The following TMEM242 variants were observed in gnomAD, a reference collection of about 807,000 sequenced individuals.
TMEM242 encodes transmembrane protein 242.
TMEM242 carries 10 observed loss-of-function variants against 18.2 expected under a neutral mutation model. The ratio of observed to expected loss-of-function variants is 0.55; its 90% CI spans 0.34 to 0.93. The LOEUF is 0.93. Ranked by LOEUF, TMEM242 falls within the 40% of genes least tolerant of loss-of-function variation. The pLI is 0.02. For missense variants in TMEM242, 186 were observed against 175.5 expected, an observed-to-expected ratio of 1.06 and a Z score of -0.34; for synonymous variants, 57 against 69.9, an observed-to-expected ratio of 0.81 and a Z score of 0.92.
chr6:157,298,687 A>C (rs1777783832), intron 3 of TMEM242, among the ~76,000 whole-genome samples: 1 of 152,250 alleles, frequency 6.6e-6, no homozygotes, highest in South Asian at 2.1e-4. Flanking sequence ...CATATAAATG[A>C]ACATAGGTAT....
rs781864353 is a variant in TMEM242, at chr6:157,323,505, G to T, written c.-6C>A. The stretch of plus-strand genomic sequence containing the variant: ...GCAGCGCCCGCTGTCTCCATGTTTA[G>T]GTCGCCTCTAGTGCGTCCGTCCCCA... On this transcript the variant is annotated 5_prime_UTR_variant, in exon 1 of 4. Transcript: ENST00000400788. 5.9e-5 allele frequency: 95 copies of T among 1,613,300 alleles called. 1 individual carries two copies. Among genetic ancestry groups the T allele is most frequent in the Admixed American group, 1.0e-4 (6 of 59,982 alleles).
chr6:157,289,326 T>C lies in TMEM242; in HGVS notation c.*3575A>G, dbSNP rs1200962999. 6.6e-6 allele frequency: 1 copy of C among 152,234 alleles called. No homozygotes were observed. Among genetic ancestry groups the C allele is most frequent in the Non-Finnish European group, 1.5e-5 (1 of 68,048 alleles). The allele number at this position is 152,234 out of a possible 1,614,324, so 9.4% of individuals were successfully genotyped here. A position where few individuals can be genotyped will look rare whatever the true frequency, so the allele number is the denominator to read the frequency against. ...GTGAGAGATGCTTGCTTTCCTCTTC[T>C]ATGCTCACAAAATCGCAGCCTTGGG... is the stretch of plus-strand genomic sequence containing the variant. On this transcript the variant is annotated 3_prime_UTR_variant, in exon 4 of 4. Coordinates refer to ENST00000400788, the MANE Select transcript of TMEM242 (RefSeq NM_018452.6).
At chr6:157,312,156 GT>G (rs1583568227) in intron 3 of TMEM242, among the ~76,000 whole-genome samples, 1 of 135,626 alleles carries the variant, frequency 7.4e-6, no homozygotes. Context: ...TCATCATAGT[GT>G]CCCAGTGTGC....
At chr6:157,321,012 C>CTT (rs1181386580) in intron 2 of TMEM242, among the ~76,000 whole-genome samples, 36 of 102,072 alleles carry the variant, frequency 3.5e-4, no homozygotes, top group African/African-American at 8.6e-4. Context: ...TTTTTTTTTT[C>CTT]TTTTTTTTTT....
chr6:157,318,536 T>C lies in TMEM242; in HGVS notation c.327+246A>G, dbSNP rs1241832391. ...CTGCACTCGCCCTAATGTCAATTTA[T>C]ATAGAACATTAGCTATAAATTAGTC... is the stretch of plus-strand genomic sequence containing the variant. On this transcript the variant is annotated intron_variant, in intron 3 of 3. Transcript: ENST00000400788. 7 of 504,624 alleles carry C rather than the reference T, an allele frequency of 1.4e-5. No individual in the cohort carries two copies. In the Admixed American group the frequency reaches 1.9e-4, roughly 14 times the overall value. 31.3% of individuals were successfully genotyped at this position (504,624 alleles called of 1,614,324 possible). A position where few individuals can be genotyped will look rare whatever the true frequency, so the allele number is the denominator to read the frequency against.
intron 3 of TMEM242, 137 bp from the exon 4 acceptor site, chr6:157,293,136 G>T: frequency 1.7e-6 from 1 of 601,650 alleles, no homozygotes. Context: ...AAAAGATAGG[G>T]ACTATATATA....
In TMEM242 at chr6:157,299,468, T is replaced by C. The variant is rs782804907; in HGVS notation, c.328-6469A>G. On this transcript the variant is annotated intron_variant, in intron 3 of 3. Coordinates refer to ENST00000400788, the MANE Select transcript of TMEM242 (RefSeq NM_018452.6). ...GATCCATCCGTGGCAGTTTTCAGAG[T>C]GGATACCAAGCTTTTGTCCAAACAA... The C allele has an allele frequency of 1.4e-4, 196 of 1,395,022 alleles. 1 individual carries two copies. Among genetic ancestry groups the C allele is most frequent in the Non-Finnish European group, 1.9e-4 (187 of 982,430 alleles). 86.4% of individuals were successfully genotyped at this position (1,395,022 alleles called of 1,614,324 possible).
intron 3 of TMEM242, among the ~76,000 whole-genome samples, chr6:157,315,196 G>T (rs587723602): frequency 2.6e-5 from 4 of 152,146 alleles, no homozygotes; most frequent in Non-Finnish European, 5.9e-5. Context: ...CTCTCTAAAC[G>T]TTGAGCTGAA....
chr6:157,296,542 G>T, intron 3 of TMEM242, among the ~76,000 whole-genome samples: 1 of 152,210 alleles, frequency 6.6e-6, no homozygotes, highest in East Asian at 1.9e-4. Flanking sequence ...AATTAGCCAG[G>T]CATGGTGGCG....
At chr6:157,306,460 C>T (rs1554247926) in intron 3 of TMEM242, among the ~76,000 whole-genome samples, 2 of 152,152 alleles carry the variant, frequency 1.3e-5, no homozygotes, top group Admixed American at 1.3e-4. Context: ...GTCTGGGCAG[C>T]TTTGTGGGTG....
chr6:157,297,437 T>C (rs954329952), intron 3 of TMEM242, among the ~76,000 whole-genome samples: 1 of 152,194 alleles, frequency 6.6e-6, no homozygotes, highest in Admixed American at 6.5e-5. Context: ...TCAATTCCAA[T>C]AAATAGGCAG....
intron 3 of TMEM242, among the ~76,000 whole-genome samples, chr6:157,313,340 G>GT (rs2128416637): frequency 5.9e-5 from 9 of 151,900 alleles, no homozygotes; most frequent in South Asian, 2.1e-4. Context: ...TCATCATAGT[G>GT]CCCCAGTGTG....
chr6:157,311,032 G>C (rs587662075), intron 3 of TMEM242, among the ~76,000 whole-genome samples: 1 of 51,650 alleles, frequency 1.9e-5, no homozygotes, highest in Non-Finnish European at 3.7e-5. Context: ...CCTCATCATA[G>C]TGTCCCAGTG....
Position 157,290,131 on chromosome 6 carries a change from A to G in TMEM242, c.*2770T>C, listed in dbSNP as rs891978177. 1 of 152,182 alleles carries G rather than the reference A, an allele frequency of 6.6e-6. No individual in the cohort carries two copies. The highest frequency in any genetic ancestry group is 1.5e-5 in the Non-Finnish European group (1 of 68,064). 9.4% of individuals were successfully genotyped at this position (152,182 alleles called of 1,614,324 possible). A position where few individuals can be genotyped will look rare whatever the true frequency, so the allele number is the denominator to read the frequency against. On this transcript the variant is annotated 3_prime_UTR_variant, in exon 4 of 4. Coordinates refer to ENST00000400788, the MANE Select transcript of TMEM242 (RefSeq NM_018452.6). ...CCTTGAATGAATCCTGGGGTCTCGG[A>G]AGCCACTCCTCCCTGCCCGTGCTTT...
At chr6:157,322,019 T>G (rs187352161) in intron 2 of TMEM242, among the ~76,000 whole-genome samples, 78 of 152,366 alleles carry the variant, frequency 5.1e-4, no homozygotes, top group Middle Eastern at 3.4e-3. Context: ...TAAGTATGAT[T>G]ATTAAAGATA....
At chr6:157,294,500 G>A (rs1159117395) in intron 3 of TMEM242, among the ~76,000 whole-genome samples, 1 of 151,172 alleles carries the variant, frequency 6.6e-6, no homozygotes, top group Non-Finnish European at 1.5e-5. Flanking sequence ...ACAGGCGCCC[G>A]CCACTACGCC....
rs1777658412 is a variant in TMEM242 at position 157,289,694 on chromosome 6, C to A, written c.*3207G>T. On this transcript the variant is annotated 3_prime_UTR_variant, in exon 4 of 4. Transcript: ENST00000400788. Reference sequence around the variant, plus strand: ...TTTTATCCCCATGGGCTCCCCGTCCCCCCACCCCCACCTTAATTTCTTCTA... The same window carrying A: ...TTTTATCCCCATGGGCTCCCCGTCCACCCACCCCCACCTTAATTTCTTCTA... The A allele has an allele frequency of 1.3e-5, 2 of 151,972 alleles. No individual in the cohort carries two copies. Among genetic ancestry groups the A allele is most frequent in the African/African-American group, 4.8e-5 (2 of 41,360 alleles). The allele number at this position is 151,972 out of a possible 1,614,324, so 9.4% of individuals were successfully genotyped here. A position where few individuals can be genotyped will look rare whatever the true frequency, so the allele number is the denominator to read the frequency against.
intron 3 of TMEM242, among the ~76,000 whole-genome samples, chr6:157,312,578 G>GCTCACCTA (rs1778200486): frequency 3.4e-5 from 1 of 29,144 alleles, no homozygotes; most frequent in African/African-American, 1.3e-4. Context: ...ACGCTCACCC[G>GCTCACCTA]GCCTCATCAT....
chr6:157,300,957 C>T (rs1279909518), intron 3 of TMEM242, among the ~76,000 whole-genome samples: 2 of 152,162 alleles, frequency 1.3e-5, no homozygotes, highest in Non-Finnish European at 2.9e-5. Context: ...TCTAGTACAA[C>T]GTGGCATCAG....
Sources: allele counts gnomAD v4.1 joint callset (sites outside exome capture counted in the v4.1 genomes callset), GRCh38; gene constraint gnomAD v4.1.1; transcripts MANE v1.5; gene names NCBI Gene and HGNC (gene_info 2026-07-23, HGNC 2026-07-21).